Variants in CGAS observed in about 807,000 individuals in gnomAD.
CGAS encodes 2'3'-cGAMP synthase.
CGAS carries 31 observed loss-of-function variants against 34.0 expected under a neutral mutation model. The observed-to-expected ratio is 0.91, with a 90% CI of 0.69 to 1.23. The LOEUF (loss-of-function observed/expected upper bound fraction) is 1.23, where lower values mean the gene tolerates loss of function less well. Among genes scored for constraint, CGAS ranks in the 50% most tolerant of loss-of-function variants. The probability of loss-of-function intolerance (pLI) is 0.00; values close to 1 mark genes in which losing one functional copy is unlikely to be tolerated. For synonymous variants in CGAS, 266 were observed against 260.0 expected, an observed-to-expected ratio of 1.02 and a Z score of -0.22; for missense variants, 597 against 657.6, an observed-to-expected ratio of 0.91 and a Z score of 1.01.
chr6:73,439,486 A>G (rs995636017), intron 3 of CGAS, among the ~76,000 whole-genome samples: 50 of 148,200 alleles, frequency 3.4e-4, no homozygotes, highest in African/African-American at 1.2e-3. Flanking sequence ...TGTCTCAGGA[A>G]AAAAAAAAAA....
chr6:73,440,390 A>T lies in CGAS; in HGVS notation c.933T>A (p.Leu311=). ...KRGGSPAVTL[L]ISEKISVDIT... ...TATCCACAGATATTTTTTCACTAAT[A>T]AGAAGTGTTACAGCAGGGCTCCCTC... The change falls in exon 3 of 5, where the codon CTT becomes CTA. Residue 311 remains leucine (L), a synonymous_variant. Coordinates refer to ENST00000370315, the MANE Select transcript of CGAS (RefSeq NM_138441.3). The T allele has an allele frequency of 6.2e-7, 1 of 1,614,180 alleles. No homozygotes were observed. The highest frequency in any genetic ancestry group is 8.5e-7 in the Non-Finnish European group (1 of 1,180,030).
rs1446914904 is a variant in CGAS, at chr6:73,446,454, G to A, written c.658-707C>T. Among the ~76,000 whole-genome samples, 96 of 15,596 alleles carry A rather than the reference G, an allele frequency of 6.2e-3. 8 individuals are homozygous for A. Among genetic ancestry groups the A allele is most frequent in the African/African-American group, 0.026 (93 of 3,528 alleles). 10.2% of individuals were successfully genotyped at this position (15,596 alleles called of 152,430 possible). ...GAAAAAAAAAAATCGGGCCGGGCGC[G>A]GTGGCTCACGCCTGTAATCCCAGCA... On this transcript the variant is annotated intron_variant, in intron 1 of 4. Coordinates refer to ENST00000370315, the MANE Select transcript of CGAS (RefSeq NM_138441.3).
At position 73,452,132 on chromosome 6, in the gene CGAS, G is replaced by C. The variant is rs147035222; in HGVS notation, c.50C>G (p.Ala17Gly). 9,279 of 1,606,700 alleles carry C rather than the reference G, an allele frequency of 5.8e-3. 37 individuals carry two copies. The highest frequency in any genetic ancestry group is 7.2e-3 in the Non-Finnish European group (8,425 of 1,177,346). ...CCGTGCGGAAGCCTTGGGGGCAGTG[G>C]CTCCGGCCTCGGAAGCTCTCTGCAT... ...KAMQRASEAGATAPKASARNA... is the reference protein window; with the variant it reads ...KAMQRASEAGGTAPKASARNA... The change falls in exon 1 of 5, where the codon GCC becomes GGC. Residue 17 changes from alanine to glycine, a missense_variant. By Grantham distance (60) the Ala-to-Gly change is moderately conservative. Around this residue, in one of 3 missense-constraint regions of CGAS, gnomAD observed 321 missense variants for 314.3 expected, o/e 1.02. Coordinates refer to ENST00000370315, the MANE Select transcript of CGAS (RefSeq NM_138441.3).
intron 3 of CGAS, among the ~76,000 whole-genome samples, chr6:73,429,804 C>T (rs564872148): frequency 1.1e-4 from 16 of 151,860 alleles, no homozygotes; most frequent in South Asian, 4.2e-4. Context: ...CCAGCCTGGG[C>T]AACAGCACAA....
At chr6:73,438,381 T>A (rs1001488216) in intron 3 of CGAS, among the ~76,000 whole-genome samples, 8 of 152,138 alleles carry the variant, frequency 5.3e-5, no homozygotes, top group African/African-American at 1.9e-4. Context: ...CTTTCTTTCA[T>A]TTTAATGGAA....
intron 3 of CGAS, among the ~76,000 whole-genome samples, chr6:73,437,967 G>A (rs932690043): frequency 1.3e-5 from 2 of 152,124 alleles, no homozygotes; most frequent in Non-Finnish European, 2.9e-5. Flanking sequence ...TACTCGAGAT[G>A]CTGAAGTGGG....
chr6:73,442,707 T>C (rs1037366575), intron 2 of CGAS, among the ~76,000 whole-genome samples: 3 of 151,432 alleles, frequency 2.0e-5, no homozygotes, highest in Non-Finnish European at 4.4e-5. Context: ...CAAGCAATTC[T>C]TTTGCCTCAA....
chr6:73,436,856 T>C (rs1020136310), intron 3 of CGAS, among the ~76,000 whole-genome samples: 5 of 152,164 alleles, frequency 3.3e-5, no homozygotes, highest in Middle Eastern at 3.4e-3. Context: ...ACTTACACTT[T>C]TAAAACACGG....
chr6:73,424,296 T>C lies in CGAS; in HGVS notation c.*931A>G, dbSNP rs1252538093. On this transcript the variant is annotated 3_prime_UTR_variant, in exon 5 of 5. Coordinates refer to ENST00000370315, the MANE Select transcript of CGAS (RefSeq NM_138441.3). The stretch of plus-strand genomic sequence containing the variant: ...AAAAATACAAAAAATTAGCCGGATG[T>C]GGTGGCGGGCACCTGTAGTCCCAGC... 2.6e-5 allele frequency: 4 copies of C among 152,072 alleles called. No individual in the cohort carries two copies. The highest frequency in any genetic ancestry group is 4.4e-5 in the Non-Finnish European group (3 of 68,066). The allele number at this position is 152,072 out of a possible 1,614,324, so 9.4% of individuals were successfully genotyped here.
intron 3 of CGAS, among the ~76,000 whole-genome samples, chr6:73,433,925 T>C (rs558153859): frequency 1.5e-4 from 23 of 152,208 alleles, no homozygotes; most frequent in Non-Finnish European, 3.4e-4. Flanking sequence ...AGATTCAACA[T>C]TATCTCAATC....
intron 4 of CGAS, among the ~76,000 whole-genome samples, chr6:73,426,259 G>A (rs1017117192): frequency 4.0e-5 from 6 of 150,368 alleles, no homozygotes; most frequent in African/African-American, 1.2e-4. Flanking sequence ...CTCCAGCCTG[G>A]GCAACAAGTG....
chr6:73,436,472 A>G (rs2150812397), intron 3 of CGAS, among the ~76,000 whole-genome samples: 1 of 150,274 alleles, frequency 6.7e-6, no homozygotes, highest in African/African-American at 2.4e-5. Context: ...AATTTATATT[A>G]TATACTATAT....
intron 3 of CGAS, among the ~76,000 whole-genome samples, chr6:73,439,333 T>C (rs1182713513): frequency 6.6e-6 from 1 of 151,590 alleles, no homozygotes; most frequent in Non-Finnish European, 1.5e-5. Flanking sequence ...TACAAAAAAT[T>C]AGCCAGGCAT....
At chr6:73,426,477 T>G (rs1258959915) in intron 4 of CGAS, among the ~76,000 whole-genome samples, 1 of 151,670 alleles carries the variant, frequency 6.6e-6, no homozygotes, top group Non-Finnish European at 1.5e-5. Context: ...TTAAATATAT[T>G]CTATGAATTT....
chr6:73,435,687 C>T (rs573229342), intron 3 of CGAS, among the ~76,000 whole-genome samples: 1 of 150,504 alleles, frequency 6.6e-6, no homozygotes, highest in African/African-American at 2.4e-5. Flanking sequence ...GCCTATAATC[C>T]CAGCACTTTA....
chr6:73,451,423 A>T, intron 1 of CGAS, 102 bp downstream of exon 1: 1 of 1,276,638 alleles, frequency 7.8e-7, no homozygotes, highest in Non-Finnish European at 1.1e-6. Flanking sequence ...AGTCTAAGTT[A>T]CTTCCGAAGG....
intron 1 of CGAS, 69 bp from the exon 2 acceptor site, chr6:73,445,816 A>T (rs1261079546): frequency 2.3e-5 from 28 of 1,205,674 alleles, no homozygotes; most frequent in South Asian, 1.2e-4. Flanking sequence ...GGAACTTTTT[A>T]AAAAATTTCC....
chr6:73,426,438 ATT>A (rs33983249), intron 4 of CGAS, among the ~76,000 whole-genome samples: 3 of 151,400 alleles, frequency 2.0e-5, no homozygotes, highest in Non-Finnish European at 2.9e-5. Flanking sequence ...TCAAAAACAC[ATT>A]TTTTCCCTCT....
intron 4 of CGAS, among the ~76,000 whole-genome samples, chr6:73,426,110 C>T (rs1770081995): frequency 6.6e-6 from 1 of 151,856 alleles, no homozygotes; most frequent in Admixed American, 6.6e-5. Context: ...TGCTGAAACC[C>T]CATCTCTACT....
Sources: gnomAD v4.1 joint callset for allele counts (sites outside exome capture counted in the v4.1 genomes callset) on GRCh38, gnomAD v4.1.1 for gene constraint, gnomAD v4.1.1 regional missense constraint, MANE v1.5 for transcripts, NCBI Gene and HGNC (gene_info 2026-07-23, HGNC 2026-07-21) for gene names.